The following PTPRT variants were observed in gnomAD, a reference collection of about 807,000 sequenced individuals.
The protein encoded by PTPRT is receptor-type tyrosine-protein phosphatase T.
Under a neutral mutation model 176.8 loss-of-function variants are expected in PTPRT, and 56 were observed. The ratio of observed to expected loss-of-function variants is 0.32; its 90% CI spans 0.26 to 0.40. PTPRT has a LOEUF of 0.40. Among genes scored for constraint, PTPRT ranks in the 10% least tolerant of loss-of-function variants. The pLI is 1.00. For synonymous variants in PTPRT, 783 were observed against 739.0 expected, an observed-to-expected ratio of 1.06 and a Z score of -0.96; for missense variants, 1,540 against 1,908.2, an observed-to-expected ratio of 0.81 and a Z score of 3.60.
intron 7 of PTPRT, among the ~76,000 whole-genome samples, chr20:42,497,033 C>T (rs1168662903): frequency 1.3e-5 from 2 of 152,094 alleles, no homozygotes; most frequent in Admixed American, 6.5e-5. Context: ...CAAAGGTAGT[C>T]CCTTACCAGC....
intron 1 of PTPRT, among the ~76,000 whole-genome samples, chr20:43,109,641 C>A (rs751513755): frequency 1.3e-5 from 2 of 151,936 alleles, no homozygotes; most frequent in Non-Finnish European, 2.9e-5. Context: ...GAAAGACAAG[C>A]AACAACCAAG....
chr20:42,498,235 T>C, intron 7 of PTPRT, among the ~76,000 whole-genome samples: 1 of 152,144 alleles, frequency 6.6e-6, no homozygotes, highest in East Asian at 1.9e-4. Flanking sequence ...CCCAGTCAAC[T>C]GAACAGACTT....
intron 6 of PTPRT, among the ~76,000 whole-genome samples, chr20:42,726,512 G>A (rs576099171): frequency 1.6e-4 from 25 of 152,304 alleles, no homozygotes; most frequent in African/African-American, 5.8e-4. Context: ...TGTTGCCTAC[G>A]GGCAGCCACA....
chr20:43,096,194 CTCTG>C lies in PTPRT; in HGVS notation c.88+93448_88+93451del, dbSNP rs529994373. 2.8e-4 allele frequency among the ~76,000 whole-genome samples: 43 copies of C among 151,698 alleles called. 1 individual carries two copies. Among genetic ancestry groups the C allele is most frequent in the African/African-American group, 9.9e-4 (41 of 41,338 alleles). ...TCTCCCCGCCTTGCTCCCTCACTCT[CTCTG>C]TCTCTCTGTTTTCCTTTTCTCCCTC... On this transcript the variant is annotated intron_variant, in intron 1 of 30. Transcript: ENST00000373187.
chr20:42,192,099 A>G (rs1253083018), intron 16 of PTPRT, among the ~76,000 whole-genome samples: 1 of 152,260 alleles, frequency 6.6e-6, no homozygotes, highest in African/African-American at 2.4e-5. Flanking sequence ...AGGATCAGAG[A>G]CAATATGTGA....
At chr20:42,650,526 A>G (rs1379726248) in intron 7 of PTPRT, among the ~76,000 whole-genome samples, 1 of 152,192 alleles carries the variant, frequency 6.6e-6, no homozygotes, top group African/African-American at 2.4e-5. Context: ...GGATTGGACT[A>G]AACTGGAATT....
Position 42,345,409 on chromosome 20 carries a change from A to G in PTPRT, c.1865+5219T>C, listed in dbSNP as rs6093626. On this transcript the variant is annotated intron_variant, in intron 11 of 30. Coordinates refer to ENST00000373187, the MANE Select transcript of PTPRT (RefSeq NM_007050.6). ...CACACACACATATATATATAAAACT[A>G]GTTACTATAGATATACATATATATA... Among the ~76,000 whole-genome samples the G allele has an allele frequency of 2.0e-3, 301 of 148,712 alleles. 4 individuals carry two copies. Among genetic ancestry groups the G allele is most frequent in the African/African-American group, 7.2e-3 (291 of 40,506 alleles).
intron 7 of PTPRT, among the ~76,000 whole-genome samples, chr20:42,517,420 G>T (rs1409480109): frequency 6.6e-6 from 1 of 151,674 alleles, no homozygotes; most frequent in East Asian, 1.9e-4. Context: ...CTTGGCAGAG[G>T]TTTATCAATT....
intron 1 of PTPRT, among the ~76,000 whole-genome samples, chr20:42,934,789 C>G (rs1308200916): frequency 6.6e-6 from 1 of 152,080 alleles, no homozygotes; most frequent in Non-Finnish European, 1.5e-5. Flanking sequence ...AAAGCCATAG[C>G]CAAGCATGGT....
Position 42,437,922 on chromosome 20 carries a change from A to C in PTPRT, c.1560+10298T>G, listed in dbSNP as rs145077398. ...AAATTCATGCTGCATTGCCCAGCCT[A>C]GGCGGAATTCCAACAGGGGTAACAC... On this transcript the variant is annotated intron_variant, in intron 9 of 30. Coordinates refer to ENST00000373187, the MANE Select transcript of PTPRT (RefSeq NM_007050.6). Among the ~76,000 whole-genome samples the C allele has an allele frequency of 2.6e-5, 4 of 152,346 alleles. No homozygotes were observed. The East Asian group carries it at 7.7e-4, about 29-fold the overall frequency.
intron 1 of PTPRT, among the ~76,000 whole-genome samples, chr20:43,040,514 C>T (rs996173009): frequency 2.0e-5 from 3 of 152,212 alleles, no homozygotes; most frequent in African/African-American, 7.2e-5. Context: ...ATATGCCAGA[C>T]TCCGTGTTAT....
chr20:42,860,496 A>T (rs1463683943), intron 2 of PTPRT, among the ~76,000 whole-genome samples: 1 of 152,192 alleles, frequency 6.6e-6, no homozygotes, highest in Non-Finnish European at 1.5e-5. Context: ...ACAGCTTTAA[A>T]ATACCAAGCC....
chr20:43,096,309 T>A (rs1025600161), intron 1 of PTPRT, among the ~76,000 whole-genome samples: 1 of 152,088 alleles, frequency 6.6e-6, no homozygotes, highest in Non-Finnish European at 1.5e-5. Context: ...AGGGATGGGA[T>A]CATTTGCCTT....
chr20:42,816,931 G>A (rs771712012), intron 2 of PTPRT, among the ~76,000 whole-genome samples: 7 of 152,218 alleles, frequency 4.6e-5, no homozygotes, highest in Non-Finnish European at 8.8e-5. Flanking sequence ...AAACAAGGAT[G>A]ACAATGTCAA....
chr20:42,893,622 C>G (rs2079235602), intron 1 of PTPRT, among the ~76,000 whole-genome samples: 1 of 151,962 alleles, frequency 6.6e-6, no homozygotes, highest in African/African-American at 2.4e-5. Context: ...AAATGTCCAA[C>G]AACGATAGAC....
chr20:42,592,903 G>GA (rs2073605413), intron 7 of PTPRT, among the ~76,000 whole-genome samples: 1 of 152,202 alleles, frequency 6.6e-6, no homozygotes. Flanking sequence ...CTTTGTCAGT[G>GA]AAAGTCACAT....
At chr20:42,305,591 G>A (rs115269319) in intron 12 of PTPRT, among the ~76,000 whole-genome samples, 49 of 152,224 alleles carry the variant, frequency 3.2e-4, no homozygotes, top group African/African-American at 1.1e-3. Flanking sequence ...TTGAGTATCA[G>A]TTTTAACATG....
At chr20:42,062,526 G>T in the PTPRT span, among the ~76,000 whole-genome samples, 1 of 152,202 alleles carries the variant, frequency 6.6e-6, no homozygotes, top group Non-Finnish European at 1.5e-5. Flanking sequence ...TCCGCTTTCA[G>T]AGTTGGAGCC....
chr20:42,675,241 C>T (rs2075481358), intron 7 of PTPRT, among the ~76,000 whole-genome samples: 1 of 152,182 alleles, frequency 6.6e-6, no homozygotes, highest in African/African-American at 2.4e-5. Flanking sequence ...AGGTAACATA[C>T]CATCTGTGTT....
Sources: allele counts gnomAD v4.1 joint callset (sites outside exome capture counted in the v4.1 genomes callset), GRCh38; gene constraint gnomAD v4.1.1; transcripts MANE v1.5; gene names NCBI Gene and HGNC (gene_info 2026-07-23, HGNC 2026-07-21).